MMP11: variants seen among roughly 807,000 people sequenced by gnomAD.
The protein encoded by MMP11 is matrix metallopeptidase 11.
In MMP11, 26 loss-of-function variants were observed where a neutral mutation model predicts 49.5. The observed-to-expected ratio is 0.52, with a 90% CI of 0.38 to 0.73. MMP11 has a LOEUF of 0.73. Among genes scored for constraint, MMP11 ranks in the 30% least tolerant of loss-of-function variants. MMP11 has a pLI of 0.00. For synonymous variants in MMP11, 265 were observed against 282.3 expected, an observed-to-expected ratio of 0.94 and a Z score of 0.62; for missense variants, 624 against 671.2, an observed-to-expected ratio of 0.93 and a Z score of 0.78.
chr22:23,777,714 A>T (rs1927462560), intron 1 of MMP11: 1 of 152,442 alleles, frequency 6.6e-6, no homozygotes, highest in Non-Finnish European at 1.5e-5. Flanking sequence ...AGCCTGGGCA[A>T]CAGAGTGAGA....
Position 23,782,150 on chromosome 22 carries a change from G to A in MMP11, c.1076-76G>A, listed in dbSNP as rs1927657585. 2.6e-6 allele frequency: 4 copies of A among 1,557,354 alleles called. No individual in the cohort carries two copies. In the East Asian group the frequency reaches 9.0e-5, roughly 35 times the overall value. On this transcript the variant is annotated intron_variant, in intron 6 of 7. Transcript: ENST00000215743. ...CTGAGGCTGGGAGAGTCTGTGGTAG[G>A]GGTCAAGCAGGTCCACAGTGGCGGG...
intron 1 of MMP11, among the ~76,000 whole-genome samples, chr22:23,778,327 T>C (rs1201743149): frequency 1.3e-5 from 2 of 152,198 alleles, no homozygotes; most frequent in Non-Finnish European, 1.5e-5. Context: ...TGGAGACTTA[T>C]AGACAGGTAG....
At chr22:23,773,446 G>C (rs1313956286) in intron 1 of MMP11, among the ~76,000 whole-genome samples, 2 of 152,218 alleles carry the variant, frequency 1.3e-5, no homozygotes, top group Non-Finnish European at 2.9e-5. Flanking sequence ...GGGCAGCGCT[G>C]TGCTGCGGGA....
chr22:23,783,602 A>G lies in MMP11; in HGVS notation c.*58A>G, dbSNP rs1321949826. 1 of 1,603,864 alleles carries G rather than the reference A, an allele frequency of 6.2e-7. No individual in the cohort carries two copies. Among genetic ancestry groups the G allele is most frequent in the Non-Finnish European group, 8.5e-7 (1 of 1,172,308 alleles). ...CCTGCCAGGCCACGAATATCAGGCT[A>G]GAGACCCATGGCCATCTTTGTGGCT... On this transcript the variant is annotated 3_prime_UTR_variant, in exon 8 of 8. Transcript: ENST00000215743.
intron 1 of MMP11, among the ~76,000 whole-genome samples, chr22:23,773,200 G>A (rs1927295875): frequency 6.6e-6 from 1 of 152,204 alleles, no homozygotes; most frequent in Non-Finnish European, 1.5e-5. Context: ...CTGGTGGGAC[G>A]GGACTCCACG....
chr22:23,781,642 C>T lies in MMP11; in HGVS notation c.1075+233C>T. ...TGGAAGGGATTGCACGGTGGGGCCT[C>T]GTGTTGGTGCGTTCAACCCTCAGCC... On this transcript the variant is annotated intron_variant, in intron 6 of 7. Coordinates refer to ENST00000215743, the MANE Select transcript of MMP11 (RefSeq NM_005940.5). The T allele has an allele frequency of 4.7e-6, 3 of 634,552 alleles. No individual in the cohort carries two copies. In the South Asian group the frequency reaches 5.5e-5, roughly 12 times the overall value. The allele number at this position is 634,552 out of a possible 1,614,324, so 39.3% of individuals were successfully genotyped here. A position where few individuals can be genotyped will look rare whatever the true frequency, so the allele number is the denominator to read the frequency against.
rs776059421 is a variant in MMP11, at chr22:23,781,287, G to A, written c.953G>A (p.Arg318His). 1.1e-5 allele frequency: 18 copies of A among 1,612,036 alleles called. No homozygotes were observed. The highest frequency in any genetic ancestry group is 1.4e-5 in the Non-Finnish European group (16 of 1,180,022). ...TTCTTCAAAGCGGGCTTTGTGTGGC[G>A]CCTCCGTGGGGGCCAGCTGCAGCCC... ...LFFFKAGFVWRLRGGQLQPGY... is the reference protein window; with the variant it reads ...LFFFKAGFVWHLRGGQLQPGY... Residue 318 changes from arginine to histidine, a missense_variant, in exon 6 of 8, where the codon CGC becomes CAC. Arg to His is a conservative substitution (Grantham distance 29). Transcript: ENST00000215743.
rs2145934646 is a variant in MMP11 at position 23,772,911 on chromosome 22, C to G, written c.41C>G (p.Ala14Gly). Residue 14 changes from alanine to glycine, a missense_variant, in exon 1 of 8, where the codon GCC becomes GGC. Transcript: ENST00000215743. ...TGGCTCCGCAGCGCGGCCGCGCGCG[C>G]CCTCCTGCCCCCGATGCTGCTGCTG... is the stretch of plus-strand genomic sequence containing the variant. The part of the protein sequence containing the change: ...AAWLRSAAAR[A>G]LLPPMLLLLL... 8.5e-7 allele frequency: 1 copy of G among 1,178,686 alleles called. No homozygotes were observed. The highest frequency in any genetic ancestry group is 1.0e-6 in the Non-Finnish European group (1 of 953,114). The allele number at this position is 1,178,686 out of a possible 1,614,324, so 73.0% of individuals were successfully genotyped here. A position where few individuals can be genotyped will look rare whatever the true frequency, so the allele number is the denominator to read the frequency against.
At chr22:23,776,819 T>TC (rs1174876466) in intron 1 of MMP11, among the ~76,000 whole-genome samples, 3 of 151,182 alleles carry the variant, frequency 2.0e-5, no homozygotes, top group African/African-American at 4.9e-5. Context: ...CTTTTTTTTT[T>TC]TTTTTTGAGA....
At position 23,783,691 on chromosome 22, in the gene MMP11, CAT is replaced by C; in HGVS notation, c.*148_*149del. On this transcript the variant is annotated 3_prime_UTR_variant, in exon 8 of 8. Transcript: ENST00000215743. ...GGGGGATGGGGTGGGGTACAACCAC[CAT>C]GACAACTGCCGGGAGGGCCACGCAG... The C allele has an allele frequency of 8.8e-7, 1 of 1,135,506 alleles. No individual in the cohort carries two copies. 70.3% of individuals were successfully genotyped at this position (1,135,506 alleles called of 1,614,324 possible). A position where few individuals can be genotyped will look rare whatever the true frequency, so the allele number is the denominator to read the frequency against.
At position 23,772,913 on chromosome 22, in the gene MMP11, C is replaced by G. The variant is rs769484121; in HGVS notation, c.43C>G (p.Leu15Val). The G allele has an allele frequency of 1.7e-6, 2 of 1,195,696 alleles. No individual in the cohort carries two copies. The highest frequency in any genetic ancestry group is 2.1e-6 in the Non-Finnish European group (2 of 963,666). 74.1% of individuals were successfully genotyped at this position (1,195,696 alleles called of 1,614,324 possible). A position where few individuals can be genotyped will look rare whatever the true frequency, so the allele number is the denominator to read the frequency against. Residue 15 changes from leucine (L) to valine (V), a missense_variant, in exon 1 of 8, where the codon CTC (leucine) becomes GTC (valine). Leu to Val is a conservative substitution (Grantham distance 32, BLOSUM62 1). Transcript: ENST00000215743. ...GCTCCGCAGCGCGGCCGCGCGCGCC[C>G]TCCTGCCCCCGATGCTGCTGCTGCT... is the stretch of plus-strand genomic sequence containing the variant. Reference protein sequence around the residue: ...AWLRSAAARALLPPMLLLLLQ... With the variant: ...AWLRSAAARAVLPPMLLLLLQ...
intron 1 of MMP11, among the ~76,000 whole-genome samples, chr22:23,775,736 G>A (rs1187153192): frequency 6.6e-6 from 1 of 152,192 alleles, no homozygotes. Context: ...TGCAACTTCT[G>A]TTTTACCATT....
Position 23,783,808 on chromosome 22 carries a change from A to G in MMP11, c.*264A>G. The G allele has an allele frequency of 3.8e-6, 2 of 527,256 alleles. No individual in the cohort carries two copies. Among genetic ancestry groups the G allele is most frequent in the South Asian group, 2.1e-5 (1 of 46,610 alleles). 32.7% of individuals were successfully genotyped at this position (527,256 alleles called of 1,614,324 possible). A position where few individuals can be genotyped will look rare whatever the true frequency, so the allele number is the denominator to read the frequency against. On this transcript the variant is annotated 3_prime_UTR_variant, in exon 8 of 8. Coordinates refer to ENST00000215743, the MANE Select transcript of MMP11 (RefSeq NM_005940.5). ...AAGGGCAGTCTTGGGCCCGCTATGC[A>G]GGTCCTGGCAAACCTGGCTGCCCTG...
At chr22:23,773,511 G>C (rs1927309000) in intron 1 of MMP11, among the ~76,000 whole-genome samples, 1 of 152,196 alleles carries the variant, frequency 6.6e-6, no homozygotes, top group Non-Finnish European at 1.5e-5. Flanking sequence ...CAGCAGTTTT[G>C]GGAGGCTTGG....
intron 1 of MMP11, among the ~76,000 whole-genome samples, chr22:23,774,095 T>C (rs1006741062): frequency 5.3e-5 from 8 of 152,272 alleles, no homozygotes; most frequent in African/African-American, 1.9e-4. Context: ...TGGGTAGACA[T>C]TGAACCACAG....
rs766694881 is a variant in MMP11, at chr22:23,782,493, G to A, written c.1333+10G>A. ...TTCCAGGATGCTGATGGTGCGTTGG[G>A]GGTGAGGCAGCTGGTGGGAGGTGGG... On this transcript the variant is annotated intron_variant, in intron 7 of 7. Transcript: ENST00000215743. 3 of 1,597,814 alleles carry A rather than the reference G, an allele frequency of 1.9e-6. No individual in the cohort carries two copies. The highest frequency in any genetic ancestry group is 2.2e-5 in the South Asian group (2 of 90,262).
At chr22:23,783,215 G>A (rs532422138) in intron 7 of MMP11, among the ~76,000 whole-genome samples, 196 bp from the exon 8 acceptor site, 2 of 152,262 alleles carry the variant, frequency 1.3e-5, no homozygotes, top group Non-Finnish European at 2.9e-5. Flanking sequence ...AGATTCCGGG[G>A]CAGGCAGAAG....
intron 1 of MMP11, among the ~76,000 whole-genome samples, chr22:23,776,657 G>T (rs2145938065): frequency 6.6e-6 from 1 of 152,268 alleles, no homozygotes; most frequent in East Asian, 1.9e-4. Context: ...GCCAGCTGTT[G>T]TCTGATCAAG....
Position 23,781,288 on chromosome 22 carries a change from C to T in MMP11, c.954C>T (p.Arg318=). 1 of 1,612,434 alleles carries T rather than the reference C, an allele frequency of 6.2e-7. No individual in the cohort carries two copies. Among genetic ancestry groups the T allele is most frequent in the Non-Finnish European group, 8.5e-7 (1 of 1,180,022 alleles). The change falls in exon 6 of 8, where the codon CGC becomes CGT. Residue 318 remains arginine, a synonymous_variant. Coordinates refer to ENST00000215743, the MANE Select transcript of MMP11 (RefSeq NM_005940.5). ...LFFFKAGFVW[R]LRGGQLQPGY... ...TCTTCAAAGCGGGCTTTGTGTGGCG[C>T]CTCCGTGGGGGCCAGCTGCAGCCCG...
Sources: allele counts gnomAD v4.1 joint callset (sites outside exome capture counted in the v4.1 genomes callset), GRCh38; gene constraint gnomAD v4.1.1; transcripts MANE v1.5; gene names NCBI Gene and HGNC (gene_info 2026-07-23, HGNC 2026-07-21).